The following PDE11A variants were observed in gnomAD, a reference collection of about 807,000 sequenced individuals.
PDE11A encodes dual 3',5'-cyclic-AMP and -GMP phosphodiesterase 11A.
In PDE11A, 100 loss-of-function variants were observed where a neutral mutation model predicts 100.5. The ratio of observed to expected loss-of-function variants is 1.00; its 90% CI spans 0.85 to 1.18. The LOEUF (loss-of-function observed/expected upper bound fraction) is 1.18, where lower values mean the gene tolerates loss of function less well. PDE11A is among the 50% of genes most tolerant of loss of function. PDE11A has a pLI of 0.00. For synonymous variants in PDE11A, 381 were observed against 420.8 expected (o/e 0.91, Z 1.16); for missense variants, 1,141 against 1,152.6 (o/e 0.99, Z 0.15).
At chr2:177,690,306 G>C (rs2081024002) in intron 15 of PDE11A, among the ~76,000 whole-genome samples, 1 of 152,114 alleles carries the variant, frequency 6.6e-6, no homozygotes, top group Admixed American at 6.5e-5. Context: ...TAGAGTAATG[G>C]CTTAAGTTTT....
At chr2:178,056,781 T>C (rs2086904007) in intron 1 of PDE11A, among the ~76,000 whole-genome samples, 1 of 152,074 alleles carries the variant, frequency 6.6e-6, no homozygotes, top group Non-Finnish European at 1.5e-5. Context: ...TGGGAACAAA[T>C]ACTTATTTTC....
Position 177,869,035 on chromosome 2 carries a change from C to T in PDE11A, c.1367+6824G>A, listed in dbSNP as rs116334439. On this transcript the variant is annotated intron_variant, in intron 5 of 19. Coordinates refer to ENST00000286063, the MANE Select transcript of PDE11A (RefSeq NM_016953.4). ...ATTCATCAGCTCACCTGTCATTCAT[C>T]TCTATGTGTGTGTATGTGCATGCAT... Among the ~76,000 whole-genome samples, 307 of 152,350 alleles carry T rather than the reference C, an allele frequency of 2.0e-3. 1 individual carries two copies. The highest frequency in any genetic ancestry group is 3.7e-3 in the Non-Finnish European group (253 of 68,036).
chr2:178,024,150 G>A (rs1238062702), intron 1 of PDE11A, among the ~76,000 whole-genome samples: 3 of 152,188 alleles, frequency 2.0e-5, no homozygotes, highest in East Asian at 3.9e-4. Flanking sequence ...AGGCATTCAC[G>A]CCTGTAATCC....
intron 2 of PDE11A, among the ~76,000 whole-genome samples, chr2:177,961,050 C>T (rs2105789580): frequency 6.6e-6 from 1 of 152,244 alleles, no homozygotes; most frequent in Admixed American, 6.5e-5. Context: ...CTGATCATTC[C>T]TCCAGGATGC....
intron 13 of PDE11A, among the ~76,000 whole-genome samples, chr2:177,705,685 T>C (rs2081267351): frequency 6.6e-6 from 1 of 152,198 alleles, no homozygotes; most frequent in African/African-American, 2.4e-5. Flanking sequence ...TGTGCAGCTG[T>C]GACTTAAAGG....
chr2:177,632,710 A>G (rs898237857), intron 19 of PDE11A, among the ~76,000 whole-genome samples: 3 of 151,944 alleles, frequency 2.0e-5, no homozygotes, highest in East Asian at 1.9e-4. Context: ...ATTTCACTTT[A>G]TTTCCCCTTT....
intron 16 of PDE11A, among the ~76,000 whole-genome samples, chr2:177,679,882 G>A (rs146123229): frequency 3.7e-4 from 56 of 152,050 alleles, no homozygotes; most frequent in African/African-American, 1.2e-3. Flanking sequence ...TGGAGGGGCT[G>A]GTCTTGAAGA....
intron 2 of PDE11A, among the ~76,000 whole-genome samples, chr2:177,906,187 ACG>A: frequency 8.5e-6 from 1 of 117,872 alleles, no homozygotes; most frequent in Non-Finnish European, 2.2e-5. Context: ...ACACGCACGC[ACG>A]CACGCACGCA....
intron 13 of PDE11A, among the ~76,000 whole-genome samples, chr2:177,705,975 G>A (rs2081272810): frequency 6.6e-6 from 1 of 152,078 alleles, no homozygotes; most frequent in African/African-American, 2.4e-5. Flanking sequence ...AGAAGGATGA[G>A]TGGGGAACGC....
Position 177,906,499 on chromosome 2 carries a change from G to A in PDE11A, c.1072-1312C>T, listed in dbSNP as rs1406090974. ...CCTGGGCATGATCAACTCTGACCTA[G>A]GGTCCTGGAAAGAATTTCAGAGCCA... is the stretch of plus-strand genomic sequence containing the variant. On this transcript the variant is annotated intron_variant, in intron 2 of 19. Coordinates refer to ENST00000286063, the MANE Select transcript of PDE11A (RefSeq NM_016953.4). Among the ~76,000 whole-genome samples the A allele has an allele frequency of 1.3e-5, 2 of 152,162 alleles. 1 individual carries two copies. The highest frequency in any genetic ancestry group is 2.9e-5 in the Non-Finnish European group (2 of 68,032).
chr2:178,025,773 T>C (rs1314062668), intron 1 of PDE11A, among the ~76,000 whole-genome samples: 1 of 152,158 alleles, frequency 6.6e-6, no homozygotes, highest in Admixed American at 6.5e-5. Context: ...GGAAAATGTC[T>C]AAGAAAAGGC....
At chr2:177,733,416 T>C (rs73028352) in intron 10 of PDE11A, among the ~76,000 whole-genome samples, 1,929 of 152,310 alleles carry the variant, frequency 0.013, 38 homozygotes, top group African/African-American at 0.044. Context: ...CTCTTCTTTG[T>C]TTGGGTCTTA....
intron 13 of PDE11A, among the ~76,000 whole-genome samples, chr2:177,708,419 G>A (rs111390374): frequency 0.017 from 2,519 of 152,246 alleles, 64 homozygotes; most frequent in African/African-American, 0.057. Context: ...AATTACAAGT[G>A]GGAGCTAAAT....
At chr2:177,673,295 C>A (rs3770012) in intron 17 of PDE11A, among the ~76,000 whole-genome samples, 2 of 151,980 alleles carry the variant, frequency 1.3e-5, no homozygotes, top group African/African-American at 4.8e-5. Context: ...GCAGTTTGAC[C>A]TTCAGATAAA....
chr2:177,765,686 T>A (rs1276167850), intron 10 of PDE11A, among the ~76,000 whole-genome samples: 1 of 152,216 alleles, frequency 6.6e-6, no homozygotes, highest in Non-Finnish European at 1.5e-5. Context: ...CTGTGTTTAC[T>A]CACGTTCTGA....
intron 4 of PDE11A, among the ~76,000 whole-genome samples, chr2:177,878,808 T>A: frequency 6.6e-6 from 1 of 152,288 alleles, no homozygotes; most frequent in African/African-American, 2.4e-5. Flanking sequence ...CAGCAGCAAA[T>A]TATTTGGACA....
chr2:177,792,769 C>T (rs1034520595), intron 9 of PDE11A, among the ~76,000 whole-genome samples: 3 of 152,204 alleles, frequency 2.0e-5, no homozygotes, highest in African/African-American at 7.2e-5. Context: ...ACCAGGGAAT[C>T]ACATCAATGC....
chr2:178,025,164 T>C (rs1304486305), intron 1 of PDE11A, among the ~76,000 whole-genome samples: 2 of 152,206 alleles, frequency 1.3e-5, no homozygotes, highest in Non-Finnish European at 2.9e-5. Context: ...TCCTAAAGAG[T>C]TCTAAATAGT....
intron 5 of PDE11A, among the ~76,000 whole-genome samples, chr2:177,844,127 T>C (rs1474381839): frequency 5.3e-5 from 8 of 152,248 alleles, no homozygotes; most frequent in Non-Finnish European, 1.0e-4. Context: ...ACTGTCTTAG[T>C]CCATTCAGGC....
Sources: allele counts gnomAD v4.1 joint callset (sites outside exome capture counted in the v4.1 genomes callset), GRCh38; gene constraint gnomAD v4.1.1; transcripts MANE v1.5; gene names NCBI Gene and HGNC (gene_info 2026-07-23, HGNC 2026-07-21).